Variants in GTF2B observed in about 807,000 individuals in gnomAD.
GTF2B encodes the protein transcription initiation factor IIB.
GTF2B carries 20 observed loss-of-function variants against 34.6 expected under a neutral mutation model. The observed-to-expected ratio is 0.58, with a 90% CI of 0.41 to 0.84. GTF2B has a LOEUF of 0.84. GTF2B is among the 40% of genes least tolerant of loss of function. GTF2B has a pLI of 0.00. For missense variants in GTF2B, 237 were observed against 393.3 expected (o/e 0.60, Z 3.36); for synonymous variants, 142 against 132.4 (o/e 1.07, Z -0.50).
At chr1:88,855,564 G>A (rs1162745983) in intron 6 of GTF2B, among the ~76,000 whole-genome samples, 1 of 152,024 alleles carries the variant, frequency 6.6e-6, no homozygotes, top group Non-Finnish European at 1.5e-5. Context: ...TGTTGGCCAG[G>A]CTGGTCTTGA....
chr1:88,872,936 T>C (rs144298879), intron 2 of GTF2B, among the ~76,000 whole-genome samples: 31 of 152,332 alleles, frequency 2.0e-4, no homozygotes, highest in African/African-American at 7.0e-4. Context: ...AATTAAACTA[T>C]ATTAGGGGCA....
chr1:88,853,424 A>C, intron 6 of GTF2B, 78 bp from the exon 7 acceptor site: 1 of 1,295,290 alleles, frequency 7.7e-7, no homozygotes. Context: ...AATTTGTGAG[A>C]TATGATAGTA....
rs1028086531 is a variant in GTF2B at position 88,855,582 on chromosome 1, G to T, written c.817+1624C>A. ...TGGCCAGGCTGGTCTTGAACTGCTG[G>T]CCTCAAGCAATCCACTCACCTTGGC... On this transcript the variant is annotated intron_variant, in intron 6 of 6. Transcript: ENST00000370500. Among the ~76,000 whole-genome samples, 3 of 150,066 alleles carry T rather than the reference G, an allele frequency of 2.0e-5. No individual in the cohort carries two copies. The East Asian group carries it at 6.0e-4, about 30-fold the overall frequency.
chr1:88,884,415 T>C (rs1166100257), intron 2 of GTF2B, among the ~76,000 whole-genome samples: 2 of 152,166 alleles, frequency 1.3e-5, no homozygotes, highest in Admixed American at 1.3e-4. Flanking sequence ...CTGAGCTAAT[T>C]TGCCTTAACT....
intron 2 of GTF2B, among the ~76,000 whole-genome samples, chr1:88,882,136 C>G (rs1242954127): frequency 6.6e-6 from 1 of 151,642 alleles, no homozygotes; most frequent in Non-Finnish European, 1.5e-5. Context: ...GTGGTGAAAC[C>G]CTGTCTCTAC....
chr1:88,856,272 C>CAAAAAAAAAAAAAAAAAAAAAAAAAA (rs377030804), intron 6 of GTF2B, among the ~76,000 whole-genome samples: 2 of 50,034 alleles, frequency 4.0e-5, no homozygotes, highest in Admixed American at 3.5e-4. Context: ...GTTTCAAAAA[C>CAAAAAAAAAAAAAAAAAAAAAAAAAA]AAAAAAAAAA....
At chr1:88,882,466 A>G (rs1673973376) in intron 2 of GTF2B, among the ~76,000 whole-genome samples, 1 of 152,196 alleles carries the variant, frequency 6.6e-6, no homozygotes, top group Admixed American at 6.5e-5. Flanking sequence ...ATTTAACTGA[A>G]GGGTTAAGCA....
intron 5 of GTF2B, among the ~76,000 whole-genome samples, chr1:88,858,275 C>T (rs948855809): frequency 9.2e-5 from 14 of 152,092 alleles, no homozygotes; most frequent in African/African-American, 2.9e-4. Flanking sequence ...CTGAGATTAC[C>T]GGTGTGAGCC....
chr1:88,865,360 G>A (rs1673525270), intron 2 of GTF2B, among the ~76,000 whole-genome samples: 1 of 152,222 alleles, frequency 6.6e-6, no homozygotes, highest in Admixed American at 6.5e-5. Context: ...ATGAAAATTA[G>A]AAAGATAGCA....
intron 2 of GTF2B, among the ~76,000 whole-genome samples, chr1:88,886,130 T>C (rs1674062916): frequency 6.6e-6 from 1 of 152,196 alleles, no homozygotes; most frequent in Non-Finnish European, 1.5e-5. Context: ...TAATATTCCT[T>C]ACTCAGCAGA....
intron 2 of GTF2B, among the ~76,000 whole-genome samples, chr1:88,884,922 T>C (rs924726221): frequency 3.9e-5 from 6 of 152,180 alleles, no homozygotes; most frequent in Middle Eastern, 3.2e-3. Context: ...GTAATGGTAA[T>C]AAAAACAAAT....
intron 3 of GTF2B, among the ~76,000 whole-genome samples, chr1:88,860,982 T>C (rs1020074634): frequency 1.3e-5 from 2 of 152,196 alleles, no homozygotes; most frequent in Admixed American, 1.3e-4. Context: ...TTGGAAAGGA[T>C]GTGATAAACT....
In GTF2B at chr1:88,873,440, C is replaced by T. The variant is rs147518021; in HGVS notation, c.125-9326G>A. On this transcript the variant is annotated intron_variant, in intron 2 of 6. Transcript: ENST00000370500. ...GGTCTCAAACTCCTGACCTCGTGAT[C>T]TGCCTGCCTCGGCCTCCCAAATTGC... is the stretch of plus-strand genomic sequence containing the variant. Among the ~76,000 whole-genome samples the T allele has an allele frequency of 6.1e-3, 933 of 152,140 alleles. 9 individuals carry two copies. The highest frequency in any genetic ancestry group is 8.7e-3 in the Non-Finnish European group (592 of 68,008).
At chr1:88,877,726 G>C (rs1194644879) in intron 2 of GTF2B, among the ~76,000 whole-genome samples, 2 of 152,216 alleles carry the variant, frequency 1.3e-5, no homozygotes, top group Non-Finnish European at 2.9e-5. Context: ...GAGGTAAGGA[G>C]TTTGAGAACA....
chr1:88,869,930 CTTTTT>C (rs373929464), intron 2 of GTF2B, among the ~76,000 whole-genome samples: 3 of 144,230 alleles, frequency 2.1e-5, no homozygotes, highest in African/African-American at 5.1e-5. Flanking sequence ...GCCAAAATGA[CTTTTT>C]TTTTTTTCTT....
chr1:88,862,905 G>T (rs965566425), intron 3 of GTF2B, among the ~76,000 whole-genome samples: 1 of 150,222 alleles, frequency 6.7e-6, no homozygotes, highest in Non-Finnish European at 1.5e-5. Context: ...AAAGTGCTGG[G>T]ATTACAGGCA....
rs1039283899 is a variant in GTF2B at position 88,881,153 on chromosome 1, A to G, written c.124+6108T>C. Among the ~76,000 whole-genome samples, 8 of 149,014 alleles carry G rather than the reference A, an allele frequency of 5.4e-5. No homozygotes were observed. The East Asian group carries it at 1.6e-3, about 29-fold the overall frequency. On this transcript the variant is annotated intron_variant, in intron 2 of 6. Transcript: ENST00000370500. ...AAGCTCCAAAAGCCAGAATAAATAC[A>G]TGCTAGGTATGTATTTAAAAAAAAA...
chr1:88,865,509 G>A (rs934291241), intron 2 of GTF2B, among the ~76,000 whole-genome samples: 2 of 152,084 alleles, frequency 1.3e-5, no homozygotes, highest in Admixed American at 1.3e-4. Flanking sequence ...ATCACCTGAG[G>A]TCAGGAGTTT....
chr1:88,856,645 G>A (rs546112892), intron 6 of GTF2B, among the ~76,000 whole-genome samples: 1 of 152,020 alleles, frequency 6.6e-6, no homozygotes, highest in Non-Finnish European at 1.5e-5. Flanking sequence ...AAAAGAACTT[G>A]TAAGAATAAA....
Sources: allele counts gnomAD v4.1 joint callset (sites outside exome capture counted in the v4.1 genomes callset), GRCh38; gene constraint gnomAD v4.1.1; transcripts MANE v1.5; gene names NCBI Gene and HGNC (gene_info 2026-07-23, HGNC 2026-07-21).